The following GNG2 variants were observed in gnomAD, a reference collection of about 807,000 sequenced individuals.
GNG2 encodes G protein subunit gamma 2.
Under a neutral mutation model 5.5 loss-of-function variants are expected in GNG2, and 5 were observed. The ratio of observed to expected loss-of-function variants is 0.91; its 90% CI spans 0.48 to 1.92. The LOEUF (loss-of-function observed/expected upper bound fraction) is 1.92, where lower values mean the gene tolerates loss of function less well. GNG2 is among the 30% of genes most tolerant of loss of function. The probability of loss-of-function intolerance (pLI) is 0.01; values close to 1 mark genes in which losing one functional copy is unlikely to be tolerated. For missense variants in GNG2, 55 were observed against 88.4 expected (o/e 0.62, Z 1.52); for synonymous variants, 28 against 32.0 (o/e 0.88, Z 0.42).
intron 2 of GNG2, among the ~76,000 whole-genome samples, chr14:51,834,309 A>C (rs576336718): frequency 6.6e-6 from 1 of 152,230 alleles, no homozygotes; most frequent in African/African-American, 2.4e-5. Context: ...TTGGCTCCCG[A>C]GCTGTGGTGG....
At chr14:51,937,007 C>T (rs1199145589) in intron 2 of GNG2, among the ~76,000 whole-genome samples, 6 of 152,216 alleles carry the variant, frequency 3.9e-5, no homozygotes, top group Admixed American at 3.3e-4. Flanking sequence ...CTCCTCCCCA[C>T]AACCCAGGGT....
intron 2 of GNG2, among the ~76,000 whole-genome samples, chr14:51,899,619 T>C (rs895213820): frequency 6.6e-6 from 1 of 152,118 alleles, no homozygotes; most frequent in Non-Finnish European, 1.5e-5. Flanking sequence ...TATCAAAAAA[T>C]TTTTAAAAAT....
chr14:51,855,657 G>T (rs1882122186), upstream of GNG2, among the ~76,000 whole-genome samples: 1 of 152,204 alleles, frequency 6.6e-6, no homozygotes, highest in South Asian at 2.1e-4. Flanking sequence ...CCATCAATGT[G>T]TAAGAGTGGA....
At chr14:51,847,478 G>A (rs1414391807) in intron 2 of GNG2, 1 of 152,172 alleles carries the variant, frequency 6.6e-6, no homozygotes, top group Non-Finnish European at 1.5e-5. Flanking sequence ...TGGGCTGAAG[G>A]GTGCTGTCCC....
intron 2 of GNG2, among the ~76,000 whole-genome samples, chr14:51,878,230 C>T (rs1004856489): frequency 2.6e-5 from 4 of 152,130 alleles, no homozygotes; most frequent in Admixed American, 1.3e-4. Context: ...CAGGTGATAA[C>T]GTGTTTGCCC....
intron 3 of GNG2, chr14:51,951,918 GTTC>G: frequency 1.4e-6 from 1 of 701,550 alleles, no homozygotes; most frequent in South Asian, 1.5e-5. Context: ...TACAGCGATG[GTTC>G]TCAGCTCATC....
intron 2 of GNG2, among the ~76,000 whole-genome samples, chr14:51,917,870 A>T: frequency 6.6e-6 from 1 of 152,090 alleles, no homozygotes; most frequent in East Asian, 1.9e-4. Flanking sequence ...TACTAAAAAC[A>T]CAAAAATTAG....
At chr14:51,889,189 T>A (rs1418277038) in intron 2 of GNG2, among the ~76,000 whole-genome samples, 1 of 148,202 alleles carries the variant, frequency 6.7e-6, no homozygotes, top group Non-Finnish European at 1.5e-5. Context: ...CTCTGCTCAC[T>A]GCAACCTCCG....
In GNG2 at chr14:51,910,640, G is replaced by T. The variant is rs145808564; in HGVS notation, c.-30+32983G>T. ...ACTGCTGTGCCCCATCTTTGCACAT[G>T]GCACACACTCCAGAAGCTGAACAGC... On this transcript the variant is annotated intron_variant, in intron 2 of 3. Transcript: ENST00000556766. Among the ~76,000 whole-genome samples the T allele has an allele frequency of 2.4e-3, 370 of 152,218 alleles. 2 individuals are homozygous for T. The highest frequency in any genetic ancestry group is 4.4e-3 in the Non-Finnish European group (296 of 68,014).
intron 2 of GNG2, among the ~76,000 whole-genome samples, chr14:51,919,256 G>A (rs1379014017): frequency 6.6e-6 from 1 of 152,168 alleles, no homozygotes; most frequent in East Asian, 1.9e-4. Context: ...CTGGAGTGGT[G>A]TTTAATATTA....
chr14:51,950,695 C>A lies in GNG2; in HGVS notation c.17C>A (p.Thr6Asn). ...AGCACTCCGATGGCCAGCAACAACA[C>A]CGCCAGCATAGCACAAGCCAGGAAG... is the stretch of plus-strand genomic sequence containing the variant. The part of the protein sequence containing the change: MASNN[T>N]ASIAQARKLV... The change falls in exon 3 of 4, where the codon ACC becomes AAC. Residue 6 changes from threonine (T) to asparagine (N), a missense_variant. Thr to Asn is a moderately conservative substitution (Grantham distance 65). Coordinates refer to ENST00000556766, the MANE Select transcript of GNG2 (RefSeq NM_053064.5). 1 of 1,611,878 alleles carries A rather than the reference C, an allele frequency of 6.2e-7. No individual in the cohort carries two copies. The highest frequency in any genetic ancestry group is 8.5e-7 in the Non-Finnish European group (1 of 1,178,984).
intron 3 of GNG2, among the ~76,000 whole-genome samples, chr14:51,962,152 T>G (rs1889650423): frequency 6.6e-6 from 1 of 152,158 alleles, no homozygotes; most frequent in Non-Finnish European, 1.5e-5. Flanking sequence ...CAAAAGAAAC[T>G]AATTATATTG....
intron 1 of GNG2, among the ~76,000 whole-genome samples, chr14:51,868,213 C>T (rs10145910): frequency 0.089 from 13,537 of 152,158 alleles, 1,239 homozygotes; most frequent in East Asian, 0.24. Context: ...ATGAACAAAA[C>T]TGGTCGGTTG....
intron 2 of GNG2, among the ~76,000 whole-genome samples, chr14:51,884,172 T>C (rs181193440): frequency 1.3e-5 from 2 of 152,314 alleles, no homozygotes; most frequent in Admixed American, 6.5e-5. Flanking sequence ...AGCTAAGTTT[T>C]ACATTTTGAG....
Position 51,966,829 on chromosome 14 carries a change from A to C in GNG2, c.*142A>C, listed in dbSNP as rs1286540045. ...GGAAACTCTAGGCTATGCATGTTTAAAGATCTGGTCCCCTTTATGAGAATG... is the reference window on the plus strand; with the variant it reads ...GGAAACTCTAGGCTATGCATGTTTACAGATCTGGTCCCCTTTATGAGAATG... On this transcript the variant is annotated 3_prime_UTR_variant, in exon 4 of 4. Transcript: ENST00000556766. 1.5e-6 allele frequency: 1 copy of C among 671,930 alleles called. No individual in the cohort carries two copies. Among genetic ancestry groups the C allele is most frequent in the African/African-American group, 1.8e-5 (1 of 55,688 alleles). 41.6% of individuals were successfully genotyped at this position (671,930 alleles called of 1,614,324 possible). A position where few individuals can be genotyped will look rare whatever the true frequency, so the allele number is the denominator to read the frequency against.
At chr14:51,880,760 T>G (rs953743559) in intron 2 of GNG2, among the ~76,000 whole-genome samples, 1 of 151,932 alleles carries the variant, frequency 6.6e-6, no homozygotes, top group Non-Finnish European at 1.5e-5. Flanking sequence ...ATCAGGACAG[T>G]TGGTCACTCC....
intron 1 of GNG2, among the ~76,000 whole-genome samples, chr14:51,868,319 G>T (rs1283954591): frequency 6.6e-6 from 1 of 152,104 alleles, no homozygotes; most frequent in Non-Finnish European, 1.5e-5. Context: ...ATCACTGAGA[G>T]GGTAGTTTGA....
At chr14:51,885,657 C>T (rs1884408453) in intron 2 of GNG2, among the ~76,000 whole-genome samples, 1 of 151,998 alleles carries the variant, frequency 6.6e-6, no homozygotes, top group Non-Finnish European at 1.5e-5. Flanking sequence ...AATATTTCAA[C>T]ATTTTAGCCT....
chr14:51,859,515 A>C (rs185530750), upstream of GNG2, among the ~76,000 whole-genome samples: 4 of 152,232 alleles, frequency 2.6e-5, no homozygotes, highest in Non-Finnish European at 4.4e-5. Flanking sequence ...ATATGTGCCG[A>C]ATACGTCCTA....
Sources: gnomAD v4.1 joint callset for allele counts (sites outside exome capture counted in the v4.1 genomes callset) on GRCh38, gnomAD v4.1.1 for gene constraint, MANE v1.5 for transcripts, NCBI Gene and HGNC (gene_info 2026-07-23, HGNC 2026-07-21) for gene names.